Variants in JADE2 observed in about 807,000 individuals in gnomAD.
The protein encoded by JADE2 is E3 ubiquitin-protein ligase Jade-2.
In JADE2, 13 loss-of-function variants were observed where a neutral mutation model predicts 85.7. The ratio of observed to expected loss-of-function variants is 0.15; its 90% CI spans 0.10 to 0.24. The LOEUF (loss-of-function observed/expected upper bound fraction) is 0.24, where lower values mean the gene tolerates loss of function less well. JADE2 is among the 10% of genes least tolerant of loss of function. JADE2 has a pLI of 1.00. For synonymous variants in JADE2, 440 were observed against 456.1 expected, an observed-to-expected ratio of 0.96 and a Z score of 0.45; for missense variants, 846 against 1,115.9, an observed-to-expected ratio of 0.76 and a Z score of 3.45.
chr5:134,559,720 A>G, intron 4 of JADE2, 110 bp from the exon 5 acceptor site: 1 of 1,121,310 alleles, frequency 8.9e-7, no homozygotes, highest in African/African-American at 1.6e-5. Flanking sequence ...GTGTGGTGTC[A>G]AAGCACACTT....
Position 134,579,368 on chromosome 5 carries a change from C to T in JADE2, c.*51C>T. On this transcript the variant is annotated 3_prime_UTR_variant, in exon 12 of 12. Transcript: ENST00000681547. This position sits in a 1 kb window ranked among gnomAD's most constrained non-coding sequence, Gnocchi z 4.6. ...CTGCCCTGGTCCCCCCACAAGGCCT[C>T]AGCCCAGTCACAACTGCCATTTCCA... 1 of 1,399,612 alleles carries T rather than the reference C, an allele frequency of 7.1e-7. No individual in the cohort carries two copies. Among genetic ancestry groups the T allele is most frequent in the Non-Finnish European group, 9.6e-7 (1 of 1,044,518 alleles). The allele number at this position is 1,399,612 out of a possible 1,614,324, so 86.7% of individuals were successfully genotyped here.
At position 134,566,022 on chromosome 5, in the gene JADE2, G is replaced by A. The variant is rs1763619715; in HGVS notation, c.970-94G>A. 1.5e-5 allele frequency: 16 copies of A among 1,077,210 alleles called. No homozygotes were observed. Among genetic ancestry groups the A allele is most frequent in the African/African-American group, 4.7e-5 (3 of 63,438 alleles). 66.7% of individuals were successfully genotyped at this position (1,077,210 alleles called of 1,614,324 possible). On this transcript the variant is annotated intron_variant, in intron 8 of 11. Coordinates refer to ENST00000681547, the MANE Select transcript of JADE2 (RefSeq NM_001388185.1). This position sits in a 1 kb window ranked among gnomAD's most constrained non-coding sequence, Gnocchi z 6.7. ...CTGTTTAGGTTCTCTCCAGCATTGCGCATTCTCAGTAGAGCCCTGGGGGAA... is the reference window on the plus strand; with the variant it reads ...CTGTTTAGGTTCTCTCCAGCATTGCACATTCTCAGTAGAGCCCTGGGGGAA...
chr5:134,545,434 C>G (rs1208257570), intron 3 of JADE2, among the ~76,000 whole-genome samples: 1 of 150,398 alleles, frequency 6.6e-6, no homozygotes, highest in African/African-American at 2.4e-5. Flanking sequence ...AAGTGTCTTA[C>G]GAACTTAGCC....
intron 3 of JADE2, among the ~76,000 whole-genome samples, chr5:134,549,166 G>T (rs1323285215): frequency 1.3e-5 from 2 of 152,196 alleles, no homozygotes; most frequent in African/African-American, 2.4e-5. Flanking sequence ...AAGTGGCTCA[G>T]TCAGGCAGTT....
chr5:134,572,917 C>T (rs1764128521), intron 9 of JADE2, among the ~76,000 whole-genome samples: 1 of 152,260 alleles, frequency 6.6e-6, no homozygotes. Flanking sequence ...GGCCTCTACC[C>T]TCTCTGCTGA....
At chr5:134,526,823 C>A in intron 1 of JADE2, 1 of 910,116 alleles carries the variant, frequency 1.1e-6, no homozygotes. Flanking sequence ...GCAGCCTCCA[C>A]CTCCGGGGCC....
At chr5:134,528,578 G>A (rs1761033316) in intron 1 of JADE2, among the ~76,000 whole-genome samples, 1 of 152,176 alleles carries the variant, frequency 6.6e-6, no homozygotes. Context: ...CGAAGTGGGC[G>A]AATAATTTAT....
intron 4 of JADE2, among the ~76,000 whole-genome samples, chr5:134,554,491 C>G (rs1420491032): frequency 6.6e-6 from 1 of 152,174 alleles, no homozygotes; most frequent in Admixed American, 6.5e-5. Context: ...CATCTCCTGG[C>G]CTGGGTAATT....
At chr5:134,561,305 C>T (rs543978270) in intron 6 of JADE2, among the ~76,000 whole-genome samples, 6 of 152,372 alleles carry the variant, frequency 3.9e-5, no homozygotes, top group African/African-American at 1.4e-4. Context: ...TGCCAGATTT[C>T]AAATCGTGGC....
rs1764729819 is a variant in JADE2 at position 134,581,899 on chromosome 5, A to G, written c.*2582A>G. On this transcript the variant is annotated 3_prime_UTR_variant, in exon 12 of 12. Coordinates refer to ENST00000681547, the MANE Select transcript of JADE2 (RefSeq NM_001388185.1). ...GGATGCCAGCCACCCATCCTCCCCC[A>G]GTTCCCAGCCTTTCCCCTGTTGGTC... 6.6e-6 allele frequency: 1 copy of G among 152,398 alleles called. No individual in the cohort carries two copies. Among genetic ancestry groups the G allele is most frequent in the African/African-American group, 2.4e-5 (1 of 41,432 alleles). 9.4% of individuals were successfully genotyped at this position (152,398 alleles called of 1,614,324 possible).
intron 6 of JADE2, 106 bp downstream of exon 6, chr5:134,561,063 G>C (rs1164844587): frequency 1.2e-5 from 10 of 858,220 alleles, no homozygotes; most frequent in African/African-American, 1.0e-4. Context: ...AAGCCCTTAA[G>C]AAGGAGGAGG....
At chr5:134,535,044 G>T (rs1415150554) in intron 1 of JADE2, among the ~76,000 whole-genome samples, 1 of 152,212 alleles carries the variant, frequency 6.6e-6, no homozygotes, top group Non-Finnish European at 1.5e-5. Context: ...TTACTAGCAG[G>T]ACAAGGTGCT....
chr5:134,534,768 G>A (rs760475758), intron 1 of JADE2, among the ~76,000 whole-genome samples: 39 of 152,264 alleles, frequency 2.6e-4, no homozygotes, highest in Admixed American at 1.9e-3. Context: ...ACAGGGGAGC[G>A]TGCTCTGAAC....
intron 7 of JADE2, among the ~76,000 whole-genome samples, chr5:134,563,387 C>T (rs1047708618): frequency 1.3e-5 from 2 of 151,142 alleles, no homozygotes; most frequent in Non-Finnish European, 2.9e-5. Context: ...GCTATGGCTG[C>T]GGCTAGGATG....
intron 3 of JADE2, among the ~76,000 whole-genome samples, chr5:134,543,394 C>T (rs970976459): frequency 4.0e-5 from 6 of 150,778 alleles, no homozygotes; most frequent in African/African-American, 1.5e-4. Context: ...TGCCATAGGC[C>T]CGGTGCGGTG....
intron 1 of JADE2, among the ~76,000 whole-genome samples, chr5:134,532,585 G>T (rs1050795269): frequency 3.8e-4 from 58 of 152,188 alleles, no homozygotes; most frequent in African/African-American, 1.4e-3. Context: ...TCGAAAGCAA[G>T]TGCCTTGTGA....
Position 134,579,419 on chromosome 5 carries a change from C to T in JADE2, c.*102C>T. 11 of 880,868 alleles carry T rather than the reference C, an allele frequency of 1.2e-5. No homozygotes were observed. The highest frequency in any genetic ancestry group is 2.7e-5 in the East Asian group (1 of 37,542). 54.6% of individuals were successfully genotyped at this position (880,868 alleles called of 1,614,324 possible). On this transcript the variant is annotated 3_prime_UTR_variant, in exon 12 of 12. Coordinates refer to ENST00000681547, the MANE Select transcript of JADE2 (RefSeq NM_001388185.1). The surrounding 1 kb of genome is among the most constrained non-coding windows in gnomAD (Gnocchi z 4.6). ...GTCTCTGCTGAGTGTCCCAGACCCT[C>T]GAGGCTGCCACTCCGTCGTGGTTTT...
At chr5:134,563,472 C>T (rs1176556911) in intron 7 of JADE2, among the ~76,000 whole-genome samples, 1 of 152,164 alleles carries the variant, frequency 6.6e-6, no homozygotes, top group African/African-American at 2.4e-5. Flanking sequence ...AGTGAGTTAG[C>T]AGAGGTCCTG....
chr5:134,538,847 C>A (rs991631610), intron 3 of JADE2, among the ~76,000 whole-genome samples: 8 of 150,628 alleles, frequency 5.3e-5, no homozygotes, highest in Non-Finnish European at 7.4e-5. Context: ...GATGGAGGGT[C>A]TTAATCCTGG....
Sources: allele counts gnomAD v4.1 joint callset (sites outside exome capture counted in the v4.1 genomes callset), GRCh38; gene constraint gnomAD v4.1.1; non-coding constraint Gnocchi (gnomAD v3.1); transcripts MANE v1.5; gene names NCBI Gene and HGNC (gene_info 2026-07-23, HGNC 2026-07-21).